The following BRD10 variants were observed in gnomAD, a reference collection of about 807,000 sequenced individuals.
The protein encoded by BRD10 is bromodomain containing 10.
the BRD10 span, among the ~76,000 whole-genome samples, chr9:5,888,364 T>C: frequency 6.6e-6 from 1 of 152,224 alleles, no homozygotes; most frequent in Admixed American, 6.5e-5. Context: ...TTAAATACAT[T>C]CTTAAATAAA....
chr9:5,925,617 CAG>C, the BRD10 span, among the ~76,000 whole-genome samples: 1 of 152,070 alleles, frequency 6.6e-6, no homozygotes, highest in Non-Finnish European at 1.5e-5. Flanking sequence ...GACTATCATA[CAG>C]AGAGTAACAA....
At chr9:5,981,805 T>C in the BRD10 span, among the ~76,000 whole-genome samples, 2 of 152,308 alleles carry the variant, frequency 1.3e-5, no homozygotes, top group South Asian at 2.1e-4. Flanking sequence ...TACTATTACA[T>C]AGTTATTATA....
At chr9:5,936,413 A>C in the BRD10 span, among the ~76,000 whole-genome samples, 5 of 152,268 alleles carry the variant, frequency 3.3e-5, no homozygotes, top group South Asian at 1.0e-3. Flanking sequence ...TCTGCCTTAA[A>C]CATCTCCTGT....
the BRD10 span, among the ~76,000 whole-genome samples, chr9:5,999,843 T>C: frequency 4.4e-3 from 672 of 152,224 alleles, 2 homozygotes; most frequent in Non-Finnish European, 7.9e-3. Context: ...ATAATAAGCA[T>C]TGTAAATATA....
At chr9:5,886,051 G>A in the BRD10 span, among the ~76,000 whole-genome samples, 9 of 152,216 alleles carry the variant, frequency 5.9e-5, no homozygotes, top group Admixed American at 2.0e-4. Flanking sequence ...GGCTAGCGGG[G>A]ACCGAAAGCG....
At chr9:5,892,462 C>T in the BRD10 span, 5 of 1,611,608 alleles carry the variant, frequency 3.1e-6, no homozygotes, top group Non-Finnish European at 3.4e-6. Context: ...GTCCTGTGCC[C>T]TGACCCTACA....
the BRD10 span, among the ~76,000 whole-genome samples, chr9:5,989,120 C>G: frequency 1.3e-5 from 2 of 151,480 alleles, no homozygotes; most frequent in Admixed American, 1.3e-4. Context: ...ATTCCAGCTA[C>G]TCGGCAGGCT....
At chr9:5,923,991 C>T in the BRD10 span, among the ~76,000 whole-genome samples, 1 of 152,086 alleles carries the variant, frequency 6.6e-6, no homozygotes, top group African/African-American at 2.4e-5. Context: ...TAATCTAATC[C>T]AGCCCTTTAT....
the BRD10 span, among the ~76,000 whole-genome samples, chr9:5,931,078 T>G: frequency 6.6e-6 from 1 of 152,172 alleles, no homozygotes; most frequent in African/African-American, 2.4e-5. Flanking sequence ...TGTGGCAGAA[T>G]TAACTGGAAA....
the BRD10 span, among the ~76,000 whole-genome samples, chr9:5,965,201 T>A: frequency 5.6e-3 from 850 of 152,004 alleles, 9 homozygotes; most frequent in African/African-American, 0.02. Flanking sequence ...TAGTCCACCC[T>A]AAGTGAAGGT....
chr9:5,949,395 C>A, the BRD10 span, among the ~76,000 whole-genome samples: 2 of 152,104 alleles, frequency 1.3e-5, no homozygotes, highest in Admixed American at 6.5e-5. Context: ...ACAACAACAA[C>A]AAAACCCTAA....
the BRD10 span, among the ~76,000 whole-genome samples, chr9:5,931,693 C>T: frequency 3.3e-5 from 5 of 151,934 alleles, no homozygotes; most frequent in African/African-American, 7.3e-5. Context: ...TTCTATATTT[C>T]GAAAACAAAC....
At chr9:5,980,348 T>A in the BRD10 span, among the ~76,000 whole-genome samples, 2 of 152,194 alleles carry the variant, frequency 1.3e-5, no homozygotes, top group African/African-American at 4.8e-5. Flanking sequence ...TTCTCAGTAT[T>A]TATTCCTCTC....
At chr9:6,008,045 G>A in the BRD10 span, 1 of 1,140,334 alleles carries the variant, frequency 8.8e-7, no homozygotes, top group African/African-American at 1.6e-5. Flanking sequence ...CTCCCCCCCG[G>A]CGGCGGCGCG....
chr9:5,940,779 T>C, the BRD10 span, among the ~76,000 whole-genome samples: 445 of 152,286 alleles, frequency 2.9e-3, 2 homozygotes, highest in African/African-American at 1.0e-2. Context: ...TCAATATGTA[T>C]AGCTTTCCTT....
the BRD10 span, among the ~76,000 whole-genome samples, chr9:5,934,569 T>C: frequency 1.3e-5 from 2 of 152,024 alleles, no homozygotes; most frequent in African/African-American, 2.4e-5. Context: ...CTTCACCATA[T>C]TGACCAGGCT....
At chr9:5,881,973 G>T in the BRD10 span, among the ~76,000 whole-genome samples, 2 of 152,208 alleles carry the variant, frequency 1.3e-5, no homozygotes, top group African/African-American at 4.8e-5. Context: ...TGTCAGACAT[G>T]AACAGGTGAT....
At chr9:6,003,011 C>T in the BRD10 span, among the ~76,000 whole-genome samples, 1 of 152,080 alleles carries the variant, frequency 6.6e-6, no homozygotes, top group Non-Finnish European at 1.5e-5. Context: ...TACCCCAATC[C>T]AAAAAATATT....
the BRD10 span, among the ~76,000 whole-genome samples, chr9:5,880,337 C>A: frequency 0.25 from 37,307 of 151,768 alleles, 4,676 homozygotes; most frequent in South Asian, 0.31. Context: ...CATGGTGAAA[C>A]CCTGTCTCTA....
Sources: allele counts gnomAD v4.1 joint callset (sites outside exome capture counted in the v4.1 genomes callset), GRCh38; gene constraint gnomAD v4.1.1; transcripts MANE v1.5; gene names NCBI Gene and HGNC (gene_info 2026-07-23, HGNC 2026-07-21).